MYLK: variants seen among roughly 807,000 people sequenced by gnomAD.
MYLK encodes the protein myosin light chain kinase, smooth muscle.
A neutral mutation model predicts 203.4 loss-of-function variants in MYLK; 106 were observed. The ratio of observed to expected loss-of-function variants is 0.52; its 90% CI spans 0.45 to 0.61. The LOEUF (loss-of-function observed/expected upper bound fraction) is 0.61, where lower values mean the gene tolerates loss of function less well. MYLK is among the 20% of genes least tolerant of loss of function. The pLI, the probability that MYLK is intolerant of heterozygous loss-of-function variation, is 0.00. For missense variants in MYLK, 2,072 were observed against 2,442.3 expected (o/e 0.85, Z 3.20); for synonymous variants, 867 against 959.5 (o/e 0.90, Z 1.78).
chr3:123,632,805 A>ATT (rs35310974), intron 29 of MYLK, among the ~76,000 whole-genome samples: 6,719 of 137,002 alleles, frequency 0.049, 287 homozygotes, highest in African/African-American at 0.099. Flanking sequence ...ATGTCTTTTA[A>ATT]TTTTTTTTTT....
rs2057217893 is a variant in MYLK, at chr3:123,610,137, T to A, written c.*3968A>T. 1 of 152,270 alleles carries A rather than the reference T, an allele frequency of 6.6e-6. No homozygotes were observed. Among genetic ancestry groups the A allele is most frequent in the East Asian group, 1.9e-4 (1 of 5,206 alleles). The allele number at this position is 152,270 out of a possible 1,614,324, so 9.4% of individuals were successfully genotyped here. On this transcript the variant is annotated 3_prime_UTR_variant, in exon 34 of 34. Transcript: ENST00000360304. ...TTCACACAAGCTTTTCAGTTTTAAT[T>A]TCACATAATTTGAAAAGTGATGTAC...
chr3:123,825,083 T>C (rs532489550), intron 3 of MYLK, among the ~76,000 whole-genome samples: 1 of 150,206 alleles, frequency 6.7e-6, no homozygotes, highest in Non-Finnish European at 1.5e-5. Flanking sequence ...AGGTCGAGGC[T>C]GCAGTGAGCT....
At chr3:123,820,540 G>A (rs1052217073) in intron 3 of MYLK, among the ~76,000 whole-genome samples, 3 of 152,218 alleles carry the variant, frequency 2.0e-5, no homozygotes, top group African/African-American at 7.2e-5. Context: ...TTTAGATCGA[G>A]GATTTGTGTG....
rs2063223473 is a variant in MYLK, at chr3:123,752,388, A to G, written c.316T>C (p.Cys106Arg). 1.2e-6 allele frequency: 2 copies of G among 1,614,124 alleles called. No homozygotes were observed. Among genetic ancestry groups the G allele is most frequent in the South Asian group, 1.1e-5 (1 of 91,070 alleles). ...GCACCACTGCCATTGGTGGCTTCAC[A>G]GGTATACTTTCCCCTGTCCTCCTCA... is the stretch of plus-strand genomic sequence containing the variant. ...VHEEDRGKYT[C>R]EATNGSGARQ... Residue 106 changes from cysteine to arginine, a missense_variant, in exon 5 of 34, where the codon TGT (cysteine) becomes CGT (arginine). Cys to Arg is a radical substitution (Grantham distance 180). Transcript: ENST00000360304.
Position 123,752,319 on chromosome 3 carries a change from C to T in MYLK, c.373+12G>A. 6.2e-7 allele frequency: 1 copy of T among 1,613,680 alleles called. No individual in the cohort carries two copies. Among genetic ancestry groups the T allele is most frequent in the Non-Finnish European group, 8.5e-7 (1 of 1,179,994 alleles). On this transcript the variant is annotated intron_variant, in intron 5 of 33. Coordinates refer to ENST00000360304, the MANE Select transcript of MYLK (RefSeq NM_053025.4). The stretch of plus-strand genomic sequence containing the variant: ...TCAGCTCCCTCCTGGACTCGGGCCT[C>T]CTGGGACTCACCTTCTACTGTCAAC...
At chr3:123,639,091 G>A (rs2058742604) in intron 28 of MYLK, 5 of 983,748 alleles carry the variant, frequency 5.1e-6, no homozygotes, top group Non-Finnish European at 6.0e-6. Flanking sequence ...AGTGGAAGCT[G>A]GACATTGTGT....
At chr3:123,736,557 C>A (rs780370925) in intron 8 of MYLK, among the ~76,000 whole-genome samples, 1 of 151,970 alleles carries the variant, frequency 6.6e-6, no homozygotes, top group Admixed American at 6.6e-5. Flanking sequence ...ACAAGACTTA[C>A]AAGGAAGAAC....
intron 4 of MYLK, among the ~76,000 whole-genome samples, chr3:123,762,599 T>C (rs2063570970): frequency 6.6e-6 from 1 of 152,198 alleles, no homozygotes; most frequent in Non-Finnish European, 1.5e-5. Flanking sequence ...CCCTCTAAAG[T>C]TCATGTTGAA....
chr3:123,702,290 A>G (rs2061270149), intron 16 of MYLK, among the ~76,000 whole-genome samples: 1 of 152,128 alleles, frequency 6.6e-6, no homozygotes, highest in African/African-American at 2.4e-5. Flanking sequence ...ACCAGACAAG[A>G]AGGTTCTGCT....
Position 123,752,380 on chromosome 3 carries a change from G to A in MYLK, c.324C>T (p.Ala108=), listed in dbSNP as rs754036997. The A allele has an allele frequency of 6.2e-7, 1 of 1,614,150 alleles. No homozygotes were observed. Among genetic ancestry groups the A allele is most frequent in the South Asian group, 1.1e-5 (1 of 91,086 alleles). Residue 108 remains alanine, a synonymous_variant, in exon 5 of 34, where the codon GCC becomes GCT. Transcript: ENST00000360304. ...EEDRGKYTCE[A]TNGSGARQVT... ...CCTGGCGAGCACCACTGCCATTGGT[G>A]GCTTCACAGGTATACTTTCCCCTGT...
In MYLK at chr3:123,752,474, C is replaced by A; in HGVS notation, c.230G>T (p.Gly77Val). 1.2e-6 allele frequency: 2 copies of A among 1,614,174 alleles called. No individual in the cohort carries two copies. The highest frequency in any genetic ancestry group is 1.1e-5 in the South Asian group (1 of 91,088). ...HRNGQPITSG[G>V]RFLLDCGIRG... ...GATGCCGCAATCCAGCAGGAAGCGG[C>A]CCCCGCTGGTGATGGGTTGCCCGTT... is the stretch of plus-strand genomic sequence containing the variant. The change falls in exon 5 of 34, where the codon GGC becomes GTC. Residue 77 changes from glycine to valine, a missense_variant. Gly to Val is a moderately radical substitution (Grantham distance 109). Transcript: ENST00000360304.
At chr3:123,705,562 G>A (rs571602133) in intron 16 of MYLK, among the ~76,000 whole-genome samples, 11 of 152,286 alleles carry the variant, frequency 7.2e-5, no homozygotes, top group African/African-American at 1.9e-4. Context: ...AGTGTCCCCC[G>A]TTATTAAATG....
Position 123,738,988 on chromosome 3 carries a change from T to C in MYLK, c.497A>G (p.Lys166Arg). The change falls in exon 7 of 34, where the codon AAG (lysine) becomes AGG (arginine). Residue 166 changes from lysine to arginine, a missense_variant. Physicochemically the swap from Lys to Arg is conservative, Grantham distance 26 (BLOSUM62 2). Coordinates refer to ENST00000360304, the MANE Select transcript of MYLK (RefSeq NM_053025.4). ...WGECPPKFAT[K>R]LGRVVVKEGQ... Reference sequence around the variant, plus strand: ...TTCTTTGACCACAACTCGGCCCAGCTTGGTAGCAAACTTTGGTGGGCACTC... The same window carrying C: ...TTCTTTGACCACAACTCGGCCCAGCCTGGTAGCAAACTTTGGTGGGCACTC... 6.2e-7 allele frequency: 1 copy of C among 1,613,806 alleles called. No homozygotes were observed. The highest frequency in any genetic ancestry group is 8.5e-7 in the Non-Finnish European group (1 of 1,179,922).
chr3:123,799,218 C>G (rs1022759721), intron 3 of MYLK, among the ~76,000 whole-genome samples: 1 of 143,932 alleles, frequency 6.9e-6, no homozygotes, highest in Non-Finnish European at 1.5e-5. Context: ...CTTGGGCCAA[C>G]GCCCACCTCT....
rs1237794394 is a variant in MYLK, at chr3:123,629,627, C to G, written c.4962-1G>C. 1 of 1,613,664 alleles carries G rather than the reference C, an allele frequency of 6.2e-7. No homozygotes were observed. Among genetic ancestry groups the G allele is most frequent in the Admixed American group, 1.7e-5 (1 of 60,026 alleles). The stretch of plus-strand genomic sequence containing the variant: ...CATGAAGGGGGAAAGGCCACTGACT[C>G]TGGAGAGACAAGAGCAGGACAGCAG... On this transcript the variant is annotated splice_acceptor_variant, in intron 29 of 33. Transcript: ENST00000360304. LOFTEE classifies it high-confidence loss of function. The surrounding 1 kb of genome is among the most constrained non-coding windows in gnomAD (Gnocchi z 4.4).
intron 13 of MYLK, 76 bp downstream of exon 13, chr3:123,722,052 T>C (rs2062108149): frequency 1.9e-5 from 29 of 1,537,698 alleles, no homozygotes; most frequent in Non-Finnish European, 2.4e-5. Flanking sequence ...TACCATTTTC[T>C]ACAAATGTGC....
chr3:123,708,608 A>C, intron 15 of MYLK, 90 bp downstream of exon 15: 4 of 1,445,536 alleles, frequency 2.8e-6, no homozygotes, highest in Non-Finnish European at 3.8e-6. Flanking sequence ...GGAACAAAGT[A>C]GCCTCATGTG....
At chr3:123,615,248 A>G (rs1181872656) in intron 33 of MYLK, among the ~76,000 whole-genome samples, 4 of 152,100 alleles carry the variant, frequency 2.6e-5, no homozygotes, top group Non-Finnish European at 1.5e-5. Context: ...AATAAAAATT[A>G]AAAATAGAGT....
intron 3 of MYLK, among the ~76,000 whole-genome samples, chr3:123,807,540 T>C (rs2065414772): frequency 6.6e-6 from 1 of 152,234 alleles, no homozygotes; most frequent in Admixed American, 6.5e-5. Context: ...TTTATTGTCA[T>C]GACATCTGCT....
Sources: gnomAD v4.1 joint callset for allele counts (sites outside exome capture counted in the v4.1 genomes callset) on GRCh38, gnomAD v4.1.1 for gene constraint, Gnocchi (gnomAD v3.1) non-coding constraint, MANE v1.5 for transcripts, NCBI Gene and HGNC (gene_info 2026-07-23, HGNC 2026-07-21) for gene names.